The following SRSF1 variants were observed in gnomAD, a reference collection of about 807,000 sequenced individuals.
SRSF1 encodes serine/arginine-rich splicing factor 1.
Under a neutral mutation model 25.9 loss-of-function variants are expected in SRSF1, and 1 was observed. The observed-to-expected ratio is 0.04, with a 90% confidence interval of 0.01 to 0.18. The LOEUF is 0.18. SRSF1 is among the 10% of genes least tolerant of loss of function. The probability of loss-of-function intolerance (pLI) is 1.00; values close to 1 mark genes in which losing one functional copy is unlikely to be tolerated. For synonymous variants in SRSF1, 132 were observed against 126.2 expected, an observed-to-expected ratio of 1.05 and a Z score of -0.31; for missense variants, 65 against 350.5, an observed-to-expected ratio of 0.19 and a Z score of 6.50.
At chr17:57,997,549 G>C (rs560634627), downstream of SRSF1, among the ~76,000 whole-genome samples, 18 of 152,256 alleles carry the variant, frequency 1.2e-4, no homozygotes, top group Middle Eastern at 3.4e-3. Context: ...ATTGAGAACA[G>C]GATAAATTGG....
At chr17:57,994,182 T>C in the SRSF1 span, 36 of 152,256 alleles carry the variant, frequency 2.4e-4, 2 homozygotes, top group Admixed American at 1.7e-3. Flanking sequence ...AAAATGATTG[T>C]TTACATCAGA....
rs767283984 is a variant in SRSF1 at position 58,005,976 on chromosome 17, GAA to G, written c.380-5_380-4del. On this transcript the variant is annotated splice_region_variant and splice_polypyrimidine_tract_variant and intron_variant, in intron 2 of 3. Coordinates refer to ENST00000258962, the MANE Select transcript of SRSF1 (RefSeq NM_006924.5). The surrounding 1 kb of genome is among the most constrained non-coding windows in gnomAD (Gnocchi z 5.2). ...CCAACTTCCACTTGGAGGCAGTCCT[GAA>G]AAAGTGATTTTTTTTTTCTTAGTAC... 2.5e-6 allele frequency: 4 copies of G among 1,605,744 alleles called. No individual in the cohort carries two copies. In the East Asian group the frequency reaches 6.7e-5, roughly 27 times the overall value.
downstream of SRSF1, among the ~76,000 whole-genome samples, chr17:57,999,827 T>C (rs777494993): frequency 1.3e-5 from 2 of 152,170 alleles, no homozygotes; most frequent in East Asian, 1.9e-4. Context: ...GAGATGAGTA[T>C]AGCATCCTAG....
the SRSF1 span, chr17:57,989,948 C>A: frequency 2.6e-6 from 1 of 391,628 alleles, no homozygotes; most frequent in Non-Finnish European, 4.5e-6. Flanking sequence ...TGACCTTGGA[C>A]AATGGAATTC....
In SRSF1 at chr17:58,002,451, T is replaced by TAA. The variant is rs199907196; in HGVS notation, c.*2953_*2954dup. Among the ~76,000 whole-genome samples, 27 of 152,340 alleles carry TAA rather than the reference T, an allele frequency of 1.8e-4. No individual in the cohort carries two copies. In the East Asian group the frequency reaches 2.5e-3, roughly 14 times the overall value. On this transcript the variant is annotated 3_prime_UTR_variant, in exon 4 of 4. Coordinates refer to ENST00000258962, the MANE Select transcript of SRSF1 (RefSeq NM_006924.5). ...TATGATTAGCACCCAAGGGAAATGT[T>TAA]AAAGTCTATTTATTTTAGGTCCCCT...
At position 58,007,216 on chromosome 17, in the gene SRSF1, A is replaced by G. The variant is rs1234783048; in HGVS notation, c.-79T>C. 14 of 1,542,888 alleles carry G rather than the reference A, an allele frequency of 9.1e-6. No individual in the cohort carries two copies. In the Admixed American group the frequency reaches 2.3e-4, roughly 25 times the overall value. Reference sequence around the variant, plus strand: ...CACGGCAGAGCGAGCCCGCAGCGGCACCACGTCTCCCGCGGCCCCTCCAAA... The same window carrying G: ...CACGGCAGAGCGAGCCCGCAGCGGCGCCACGTCTCCCGCGGCCCCTCCAAA... On this transcript the variant is annotated 5_prime_UTR_variant, in exon 1 of 4. Coordinates refer to ENST00000258962, the MANE Select transcript of SRSF1 (RefSeq NM_006924.5).
chr17:58,005,506 C>A lies in SRSF1; in HGVS notation c.647G>T (p.Arg216Leu). ...RSRSRSRSRSRSRSNSRSRSY... is the reference protein window; with the variant it reads ...RSRSRSRSRSLSRSNSRSRSY... ...GCGACTCCTGCTGTTGCTTCTGCTACGGCTTCTGCTACGACTACGGCTTCG... is the reference window on the plus strand; with the variant it reads ...GCGACTCCTGCTGTTGCTTCTGCTAAGGCTTCTGCTACGACTACGGCTTCG... Residue 216 changes from arginine to leucine, a missense_variant, in exon 4 of 4, where the codon CGT becomes CTT. Arg to Leu is a moderately radical substitution (Grantham distance 102, BLOSUM62 -2). This residue lies in a region of SRSF1 where 63 missense variants were observed against 284.8 expected (regional missense o/e 0.22). Coordinates refer to ENST00000258962, the MANE Select transcript of SRSF1 (RefSeq NM_006924.5). This position sits in a 1 kb window ranked among gnomAD's most constrained non-coding sequence, Gnocchi z 5.2. 6.2e-7 allele frequency: 1 copy of A among 1,614,152 alleles called. No homozygotes were observed. Among genetic ancestry groups the A allele is most frequent in the Non-Finnish European group, 8.5e-7 (1 of 1,180,024 alleles).
At chr17:57,991,260 A>C in the SRSF1 span, 1 of 152,258 alleles carries the variant, frequency 6.6e-6, no homozygotes, top group South Asian at 2.1e-4. Context: ...AGAAAGCAAC[A>C]GGATATTTCC....
At chr17:57,992,968 T>C in the SRSF1 span, 9 of 152,256 alleles carry the variant, frequency 5.9e-5, no homozygotes, top group African/African-American at 1.9e-4. Context: ...AGACCAAACT[T>C]TGAGAAAGCT....
At position 58,005,336 on chromosome 17, in the gene SRSF1, T is replaced by C. The variant is rs970643803; in HGVS notation, c.*70A>G. 1.3e-6 allele frequency: 2 copies of C among 1,536,432 alleles called. No individual in the cohort carries two copies. Among genetic ancestry groups the C allele is most frequent in the African/African-American group, 2.8e-5 (2 of 72,456 alleles). On this transcript the variant is annotated 3_prime_UTR_variant, in exon 4 of 4. Transcript: ENST00000258962. The surrounding 1 kb of genome is among the most constrained non-coding windows in gnomAD (Gnocchi z 5.2). ...GAACAAAACAGTTTGAATTAAAAAA[T>C]GAAAAGATTGTACTGAATAAAGGAA... is the stretch of plus-strand genomic sequence containing the variant.
chr17:58,005,966 A>G lies in SRSF1; in HGVS notation c.387T>C (p.Pro129=), dbSNP rs763505486. ...SENRVVVSGL[P]PSGSWQDLKD... The stretch of plus-strand genomic sequence containing the variant: ...TTAAATCCTGCCAACTTCCACTTGG[A>G]GGCAGTCCTGAAAAAGTGATTTTTT... Residue 129 remains proline (P), a synonymous_variant, in exon 3 of 4, where the codon CCT becomes CCC. Coordinates refer to ENST00000258962, the MANE Select transcript of SRSF1 (RefSeq NM_006924.5). The surrounding 1 kb of genome is among the most constrained non-coding windows in gnomAD (Gnocchi z 5.2). The G allele has an allele frequency of 6.2e-7, 1 of 1,610,864 alleles. No homozygotes were observed. The highest frequency in any genetic ancestry group is 8.5e-7 in the Non-Finnish European group (1 of 1,179,654).
chr17:57,989,344 G>A, the SRSF1 span: 1 of 398,454 alleles, frequency 2.5e-6, no homozygotes, highest in Non-Finnish European at 4.4e-6. Flanking sequence ...AGGGAAATGA[G>A]GGGGCAGGCT....
In SRSF1 at chr17:58,005,985, ATTTT is replaced by A. The variant is rs753460117; in HGVS notation, c.380-16_380-13del. The A allele has an allele frequency of 1.9e-6, 3 of 1,567,192 alleles. No individual in the cohort carries two copies. Among genetic ancestry groups the A allele is most frequent in the East Asian group, 2.3e-5 (1 of 43,490 alleles). ...ACTTGGAGGCAGTCCTGAAAAAGTG[ATTTT>A]TTTTTTCTTAGTACCAATTATCTTA... On this transcript the variant is annotated splice_polypyrimidine_tract_variant and intron_variant, in intron 2 of 3. Transcript: ENST00000258962. This position sits in a 1 kb window ranked among gnomAD's most constrained non-coding sequence, Gnocchi z 5.2.
chr17:57,996,483 TAA>T (rs10677825), downstream of SRSF1, among the ~76,000 whole-genome samples: 526 of 72,374 alleles, frequency 7.3e-3, 7 homozygotes, highest in South Asian at 0.044. Context: ...GACACTGTCT[TAA>T]AAAAAAAAAA....
At chr17:57,989,810 G>A in the SRSF1 span, 28 of 398,380 alleles carry the variant, frequency 7.0e-5, no homozygotes, top group Non-Finnish European at 1.2e-4. Flanking sequence ...AGATAGGAGG[G>A]GACAGAAAAT....
In SRSF1 at chr17:58,003,398, A is replaced by C. The variant is rs2075406207; in HGVS notation, c.*2008T>G. On this transcript the variant is annotated 3_prime_UTR_variant, in exon 4 of 4. Coordinates refer to ENST00000258962, the MANE Select transcript of SRSF1 (RefSeq NM_006924.5). ...ACTTTTAATTTGCTAACACATTAAC[A>C]CAAGAGTCAAAATCTTATCTTACTT... 1 of 152,234 alleles carries C rather than the reference A, an allele frequency of 6.6e-6. No individual in the cohort carries two copies. The highest frequency in any genetic ancestry group is 2.4e-5 in the African/African-American group (1 of 41,456). 9.4% of individuals were successfully genotyped at this position (152,234 alleles called of 1,614,324 possible).
chr17:57,996,542 C>T (rs1231667882), downstream of SRSF1, among the ~76,000 whole-genome samples: 1 of 121,080 alleles, frequency 8.3e-6, no homozygotes, highest in East Asian at 2.6e-4. Flanking sequence ...CTGAAGAAAA[C>T]AAAGCATACA....
downstream of SRSF1, among the ~76,000 whole-genome samples, chr17:57,996,500 A>AAAAAAC (rs386386344): frequency 2.0e-5 from 3 of 151,390 alleles, no homozygotes; most frequent in East Asian, 3.9e-4. Context: ...AAAAAAAAAA[A>AAAAAAC]AAACAGCCTT....
At chr17:58,006,280 C>G in intron 2 of SRSF1, 63 bp downstream of exon 2, 1 of 1,528,340 alleles carries the variant, frequency 6.5e-7, no homozygotes, top group Non-Finnish European at 8.8e-7. Context: ...ACCTGTCACG[C>G]AAGAGAAAAA....
Sources: gnomAD v4.1 joint callset for allele counts (sites outside exome capture counted in the v4.1 genomes callset) on GRCh38, gnomAD v4.1.1 for gene constraint, gnomAD v4.1.1 regional missense constraint, Gnocchi (gnomAD v3.1) non-coding constraint, MANE v1.5 for transcripts, NCBI Gene and HGNC (gene_info 2026-07-23, HGNC 2026-07-21) for gene names.